Variants in ARPP21 observed in about 807,000 individuals in gnomAD.
ARPP21 encodes cAMP-regulated phosphoprotein 21.
ARPP21 carries 69 observed loss-of-function variants against 113.2 expected under a neutral mutation model. The ratio of observed to expected loss-of-function variants is 0.61; its 90% CI spans 0.50 to 0.74. The LOEUF is 0.74. ARPP21 is among the 30% of genes least tolerant of loss of function. ARPP21 has a pLI of 0.00. For missense variants in ARPP21, 1,070 were observed against 1,037.4 expected (o/e 1.03, Z -0.43); for synonymous variants, 368 against 375.5 (o/e 0.98, Z 0.23).
chr3:35,671,423 TA>T (rs1236760769), intron 1 of ARPP21, among the ~76,000 whole-genome samples: 1 of 152,190 alleles, frequency 6.6e-6, no homozygotes, highest in African/African-American at 2.4e-5. Flanking sequence ...CTTGAACACT[TA>T]CATTTTTTTC....
intron 18 of ARPP21, among the ~76,000 whole-genome samples, chr3:35,741,378 T>C (rs2094647253): frequency 6.6e-6 from 1 of 152,234 alleles, no homozygotes; most frequent in Non-Finnish European, 1.5e-5. Context: ...CTATAACCCA[T>C]AGTAACTTTC....
chr3:35,733,938 A>G (rs1033869386), intron 15 of ARPP21, among the ~76,000 whole-genome samples: 2 of 152,350 alleles, frequency 1.3e-5, no homozygotes, highest in South Asian at 2.1e-4. Context: ...ATTTATCAAA[A>G]GACACATGAA....
At chr3:35,697,976 G>A (rs538913494) in intron 9 of ARPP21, among the ~76,000 whole-genome samples, 1 of 151,664 alleles carries the variant, frequency 6.6e-6, no homozygotes, top group Non-Finnish European at 1.5e-5. Flanking sequence ...AAAAATCTAT[G>A]AGTGGTTGGT....
At chr3:35,645,891 A>C (rs527711875) in intron 1 of ARPP21, among the ~76,000 whole-genome samples, 1 of 152,134 alleles carries the variant, frequency 6.6e-6, no homozygotes, top group African/African-American at 2.4e-5. Flanking sequence ...ATCCATGTTG[A>C]TATATTTTGG....
intron 5 of ARPP21, chr3:35,684,524 C>A (rs1298627348): frequency 1.0e-6 from 1 of 985,418 alleles, no homozygotes; most frequent in African/African-American, 1.7e-5. Context: ...TTTCAGGCAT[C>A]ATATTAGCTT....
At chr3:35,653,243 A>G (rs1036781483) in intron 1 of ARPP21, among the ~76,000 whole-genome samples, 5 of 150,786 alleles carry the variant, frequency 3.3e-5, no homozygotes, top group Non-Finnish European at 2.9e-5. Context: ...CTGTTATGAT[A>G]TATTTAGGGA....
chr3:35,752,896 C>A (rs2095447808), intron 19 of ARPP21, among the ~76,000 whole-genome samples: 1 of 152,014 alleles, frequency 6.6e-6, no homozygotes, highest in African/African-American at 2.4e-5. Flanking sequence ...TTGTGAATTA[C>A]AGCTAGTATT....
chr3:35,784,011 T>C (rs2096580267), intron 19 of ARPP21, among the ~76,000 whole-genome samples: 2 of 152,176 alleles, frequency 1.3e-5, no homozygotes, highest in South Asian at 4.1e-4. Context: ...CTCATATCCC[T>C]ACACACAATA....
chr3:35,752,287 C>T (rs1230590834), intron 19 of ARPP21, among the ~76,000 whole-genome samples: 1 of 151,852 alleles, frequency 6.6e-6, no homozygotes, highest in East Asian at 1.9e-4. Context: ...CCTTTTGGAT[C>T]TAGATGCCAT....
At chr3:35,742,315 G>A (rs1255438339) in intron 18 of ARPP21, among the ~76,000 whole-genome samples, 1 of 152,172 alleles carries the variant, frequency 6.6e-6, no homozygotes, top group Non-Finnish European at 1.5e-5. Context: ...AATATTGGGA[G>A]GCATCTGATG....
chr3:35,721,872 T>A, intron 14 of ARPP21, 38 bp downstream of exon 14: 10 of 1,388,908 alleles, frequency 7.2e-6, no homozygotes, highest in Non-Finnish European at 9.8e-6. Flanking sequence ...CTGTGGTATT[T>A]TTTGGATTCT....
chr3:35,762,537 T>C (rs1323610209), intron 19 of ARPP21, among the ~76,000 whole-genome samples: 1 of 152,076 alleles, frequency 6.6e-6, no homozygotes, highest in African/African-American at 2.4e-5. Flanking sequence ...TTCTGATAAA[T>C]ATTGGATTCA....
chr3:35,770,211 A>G (rs1383433604), intron 19 of ARPP21, among the ~76,000 whole-genome samples: 1 of 152,224 alleles, frequency 6.6e-6, no homozygotes, highest in Non-Finnish European at 1.5e-5. Flanking sequence ...CTTCTAAATT[A>G]TCTTATAGAA....
chr3:35,699,699 T>C (rs1178970255), intron 9 of ARPP21, among the ~76,000 whole-genome samples: 1 of 151,710 alleles, frequency 6.6e-6, no homozygotes, highest in African/African-American at 2.4e-5. Flanking sequence ...ACCAAAAATA[T>C]TTGGCAATTC....
chr3:35,754,205 A>G (rs1444426221), intron 19 of ARPP21, among the ~76,000 whole-genome samples: 1 of 151,838 alleles, frequency 6.6e-6, no homozygotes, highest in Non-Finnish European at 1.5e-5. Context: ...AAAAAGATGT[A>G]TTTTCCTAAT....
Position 35,655,144 on chromosome 3 carries a change from C to T in ARPP21, c.-213+14746C>T, listed in dbSNP as rs542823338. Among the ~76,000 whole-genome samples the T allele has an allele frequency of 3.2e-3, 479 of 151,942 alleles. 1 individual carries two copies. Among genetic ancestry groups the T allele is most frequent in the Non-Finnish European group, 5.0e-3 (340 of 67,932 alleles). On this transcript the variant is annotated intron_variant, in intron 1 of 20. Transcript: ENST00000684406. ...CTAGGTTTACTCCGGTAAGTTTTAA[C>T]CCATGACAAGGAAATAAACTTTATT... is the stretch of plus-strand genomic sequence containing the variant.
intron 19 of ARPP21, among the ~76,000 whole-genome samples, chr3:35,748,111 AAGAAAGAAAGAAAGAAAAG>A (rs2095228964): frequency 3.6e-5 from 3 of 83,696 alleles, no homozygotes; most frequent in Middle Eastern, 0.013. Context: ...AGAAAGAAAG[AAGAAAGAAAGAAAGAAAAG>A]AAAGAAAGGG....
chr3:35,660,632 T>A (rs1173127576), intron 1 of ARPP21, among the ~76,000 whole-genome samples: 1 of 152,172 alleles, frequency 6.6e-6, no homozygotes, highest in Non-Finnish European at 1.5e-5. Context: ...TAACAAGAGG[T>A]TAAGATAATG....
intron 19 of ARPP21, among the ~76,000 whole-genome samples, chr3:35,755,800 G>T (rs559930829): frequency 1.3e-5 from 2 of 152,114 alleles, no homozygotes; most frequent in African/African-American, 2.4e-5. Context: ...GAGATGCAGT[G>T]GTACCCATGG....
Sources: gnomAD v4.1 joint callset for allele counts (sites outside exome capture counted in the v4.1 genomes callset) on GRCh38, gnomAD v4.1.1 for gene constraint, MANE v1.5 for transcripts, NCBI Gene and HGNC (gene_info 2026-07-23, HGNC 2026-07-21) for gene names.